Variants in MDFIC observed in about 807,000 individuals in gnomAD.
The protein encoded by MDFIC is myoD family inhibitor domain-containing protein.
In MDFIC, 17 loss-of-function variants were observed where a neutral mutation model predicts 23.2. That is an observed-to-expected ratio of 0.73 (90% CI 0.50 to 1.10). The LOEUF (loss-of-function observed/expected upper bound fraction) is 1.10, where lower values mean the gene tolerates loss of function less well. Ranked by LOEUF, MDFIC falls within the 50% of genes least tolerant of loss-of-function variation. MDFIC has a pLI of 0.00. For missense variants in MDFIC, 356 were observed against 316.6 expected, an observed-to-expected ratio of 1.12 and a Z score of -0.95; for synonymous variants, 120 against 115.2, an observed-to-expected ratio of 1.04 and a Z score of -0.27.
intron 3 of MDFIC, among the ~76,000 whole-genome samples, chr7:114,957,914 TG>T (rs1563142173): frequency 6.6e-6 from 1 of 152,178 alleles, no homozygotes. Flanking sequence ...ATTATTTGCT[TG>T]TGTAAGAATA....
chr7:114,978,359 C>T (rs1414247148), intron 3 of MDFIC, among the ~76,000 whole-genome samples: 3 of 151,932 alleles, frequency 2.0e-5, no homozygotes, highest in East Asian at 1.9e-4. Context: ...AATAATAAAT[C>T]GGAGAGAATT....
At chr7:114,949,175 A>G (rs765946373) in intron 3 of MDFIC, among the ~76,000 whole-genome samples, 9 of 152,156 alleles carry the variant, frequency 5.9e-5, no homozygotes, top group Non-Finnish European at 1.2e-4. Context: ...TTTGTAATCT[A>G]TATCCTACTT....
In MDFIC at chr7:115,015,964, G is replaced by T; in HGVS notation, c.*29G>T. 6.3e-7 allele frequency: 1 copy of T among 1,589,554 alleles called. No homozygotes were observed. The highest frequency in any genetic ancestry group is 8.6e-7 in the Non-Finnish European group (1 of 1,168,154). ...TTTATCTTTTGTTTGTGTTAAAACTGGAGAGTGTTTAAAAATTTCCTTTTG... is the reference window on the plus strand; with the variant it reads ...TTTATCTTTTGTTTGTGTTAAAACTTGAGAGTGTTTAAAAATTTCCTTTTG... On this transcript the variant is annotated 3_prime_UTR_variant, in exon 5 of 5. Transcript: ENST00000393486.
chr7:114,976,126 G>C (rs1793304401), intron 3 of MDFIC, among the ~76,000 whole-genome samples: 2 of 152,106 alleles, frequency 1.3e-5, no homozygotes, highest in Admixed American at 1.3e-4. Flanking sequence ...TTAGAATTTG[G>C]TAGCCAGGAT....
At chr7:114,974,140 A>ATT (rs1163792865) in intron 3 of MDFIC, among the ~76,000 whole-genome samples, 1 of 152,174 alleles carries the variant, frequency 6.6e-6, no homozygotes, top group African/African-American at 2.4e-5. Flanking sequence ...AGAGTTGGGT[A>ATT]TTAGGATGTT....
chr7:114,967,537 G>T (rs193161595), intron 3 of MDFIC, among the ~76,000 whole-genome samples: 1 of 152,246 alleles, frequency 6.6e-6, no homozygotes, highest in East Asian at 1.9e-4. Flanking sequence ...ATCAATAATA[G>T]TAGAGCTGCG....
chr7:114,923,332 G>A, intron 2 of MDFIC: 4 of 1,180,780 alleles, frequency 3.4e-6, no homozygotes, highest in South Asian at 1.4e-5. Flanking sequence ...GGCGGGAACC[G>A]TTGGTCCCTC....
chr7:115,003,306 GACTA>G (rs747980846), intron 4 of MDFIC, among the ~76,000 whole-genome samples: 3 of 152,114 alleles, frequency 2.0e-5, no homozygotes, highest in Non-Finnish European at 4.4e-5. Context: ...CCCAGCCCCA[GACTA>G]ACTACCACGC....
intron 2 of MDFIC, chr7:114,933,818 A>G (rs1252954506): frequency 1.3e-5 from 2 of 152,248 alleles, no homozygotes; most frequent in African/African-American, 4.8e-5. Flanking sequence ...AGAGAAGATT[A>G]GACTTTGATT....
chr7:114,942,956 G>C (rs1197587178), intron 3 of MDFIC, among the ~76,000 whole-genome samples: 2 of 152,184 alleles, frequency 1.3e-5, no homozygotes, highest in Non-Finnish European at 2.9e-5. Flanking sequence ...TCCATGTGGG[G>C]TTCTGCTCTC....
At position 114,947,569 on chromosome 7, in the gene MDFIC, T is replaced by A. The variant is rs187901321; in HGVS notation, c.217+5172T>A. ...GTCAAGTTACCTGACACACTTCTTCTCAGGCTCCATTATTTCATCCTCATC... is the reference window on the plus strand; with the variant it reads ...GTCAAGTTACCTGACACACTTCTTCACAGGCTCCATTATTTCATCCTCATC... On this transcript the variant is annotated intron_variant, in intron 3 of 4. Transcript: ENST00000393486. Among the ~76,000 whole-genome samples, 19 of 152,306 alleles carry A rather than the reference T, an allele frequency of 1.2e-4. No homozygotes were observed. The South Asian group carries it at 1.5e-3, about 12-fold the overall frequency.
At chr7:114,993,831 T>G (rs1300243360) in intron 4 of MDFIC, among the ~76,000 whole-genome samples, 1 of 152,204 alleles carries the variant, frequency 6.6e-6, no homozygotes, top group Non-Finnish European at 1.5e-5. Context: ...TTCTGTTGAT[T>G]TGGGGTGGAG....
intron 4 of MDFIC, among the ~76,000 whole-genome samples, chr7:114,985,094 T>G (rs1793486659): frequency 6.6e-6 from 1 of 152,240 alleles, no homozygotes; most frequent in Admixed American, 6.5e-5. Context: ...ACTAGCCTGG[T>G]TGGGATCAAA....
chr7:114,979,573 G>A lies in MDFIC; in HGVS notation c.285G>A (p.Lys95=), dbSNP rs1585111523. 1 of 1,614,088 alleles carries A rather than the reference G, an allele frequency of 6.2e-7. No homozygotes were observed. The highest frequency in any genetic ancestry group is 2.2e-5 in the East Asian group (1 of 44,870). The part of the protein sequence containing the change: ...AQVPSGEEIG[K]IKNGHTGLSN... ...TGCCAAGTGGTGAGGAAATAGGCAA[G>A]ATAAAGAACGGCCACACAGGTCTGA... Residue 95 remains lysine, a synonymous_variant, in exon 4 of 5, where the codon AAG becomes AAA. Coordinates refer to ENST00000393486, the MANE Select transcript of MDFIC (RefSeq NM_001166345.3).
intron 4 of MDFIC, among the ~76,000 whole-genome samples, chr7:114,999,105 TC>T (rs1418000856): frequency 2.0e-5 from 3 of 151,988 alleles, no homozygotes; most frequent in Admixed American, 2.0e-4. Context: ...TTTCTCTCCC[TC>T]CCCTCCCCTT....
chr7:114,964,943 AT>A (rs1382639867), intron 3 of MDFIC, among the ~76,000 whole-genome samples: 1 of 152,202 alleles, frequency 6.6e-6, no homozygotes, highest in African/African-American at 2.4e-5. Flanking sequence ...CATTTAATAA[AT>A]GTTGAGTGAC....
At chr7:114,996,545 G>A (rs1243282652) in intron 4 of MDFIC, among the ~76,000 whole-genome samples, 3 of 152,172 alleles carry the variant, frequency 2.0e-5, no homozygotes, top group Non-Finnish European at 4.4e-5. Context: ...TGGAGGAAGT[G>A]TTTGGATAAG....
At chr7:114,991,645 A>T (rs565619127) in intron 4 of MDFIC, among the ~76,000 whole-genome samples, 48 of 152,340 alleles carry the variant, frequency 3.2e-4, no homozygotes, top group African/African-American at 1.1e-3. Context: ...GGTTTGTCAA[A>T]GATCACATGG....
chr7:114,979,774 A>G lies in MDFIC; in HGVS notation c.486A>G (p.Ser162=). ...TCTTTTCCCAAAAGACAGGCTCTTCACCTGAAGGTAAGTTTGAGATATATG... is the reference window on the plus strand; with the variant it reads ...TCTTTTCCCAAAAGACAGGCTCTTCGCCTGAAGGTAAGTTTGAGATATATG... ...NAVFSQKTGS[S]PEDCCVHCIL... is the part of the protein sequence containing the mutation. Residue 162 remains serine (S), a synonymous_variant, in exon 4 of 5, where the codon TCA becomes TCG. Transcript: ENST00000393486. 4 of 1,613,208 alleles carry G rather than the reference A, an allele frequency of 2.5e-6. No individual in the cohort carries two copies. Among genetic ancestry groups the G allele is most frequent in the Non-Finnish European group, 2.5e-6 (3 of 1,179,408 alleles).
Sources: gnomAD v4.1 joint callset for allele counts (sites outside exome capture counted in the v4.1 genomes callset) on GRCh38, gnomAD v4.1.1 for gene constraint, MANE v1.5 for transcripts, NCBI Gene and HGNC (gene_info 2026-07-23, HGNC 2026-07-21) for gene names.